The following NBPF14 variants were observed in gnomAD, a reference collection of about 807,000 sequenced individuals.
NBPF14 encodes the protein NBPF family member NBPF14.
NBPF14 carries 104 observed loss-of-function variants against 91.2 expected under a neutral mutation model. That is an observed-to-expected ratio of 1.14 (90% CI 0.97 to 1.34). NBPF14 has a LOEUF of 1.34. Among genes scored for constraint, NBPF14 ranks in the 40% most tolerant of loss-of-function variants. The pLI is 0.00. For synonymous variants in NBPF14, 294 were observed against 303.8 expected (o/e 0.97, Z 0.34); for missense variants, 908 against 783.0 (o/e 1.16, Z -1.91).
chr1:148,559,996 C>A, intron 36 of NBPF14, 31 bp from the exon 37 acceptor site: 4 of 993,582 alleles, frequency 4.0e-6, no homozygotes, highest in South Asian at 1.3e-5. Flanking sequence ...AAAGAATAAG[C>A]CAGGGGGAAT....
chr1:148,561,734 G>C (rs1657759660), intron 34 of NBPF14, among the ~76,000 whole-genome samples, 155 bp from the exon 35 acceptor site: 1 of 113,742 alleles, frequency 8.8e-6, no homozygotes, highest in Admixed American at 8.1e-5. Context: ...TGTTGGGACA[G>C]AACAGGGCCA....
At chr1:148,533,537 G>C (rs1204037632) in intron 70 of NBPF14, among the ~76,000 whole-genome samples, 54 of 150,014 alleles carry the variant, frequency 3.6e-4, no homozygotes, top group South Asian at 6.3e-4. Flanking sequence ...GACACTCTGA[G>C]TTAGTGCCCT....
intron 13 of NBPF14, among the ~76,000 whole-genome samples, chr1:148,578,235 CCT>C (rs1267975192): frequency 4.6e-5 from 7 of 151,420 alleles, no homozygotes; most frequent in Admixed American, 2.6e-4. Context: ...GCAAAATTCC[CCT>C]GTGTTGGAAT....
At chr1:148,557,073 C>A (rs1424296249) in intron 40 of NBPF14, among the ~76,000 whole-genome samples, 2 of 124,954 alleles carry the variant, frequency 1.6e-5, no homozygotes, top group African/African-American at 4.1e-5. Flanking sequence ...CACACACACA[C>A]ACACACACAC....
intron 39 of NBPF14, among the ~76,000 whole-genome samples, chr1:148,557,759 A>T (rs1255777484): frequency 8.0e-6 from 1 of 124,378 alleles, no homozygotes; most frequent in Non-Finnish European, 1.6e-5. Context: ...GTAGATCGTT[A>T]TCCCAAAATC....
chr1:148,579,874 A>G (rs1459186189), intron 12 of NBPF14, among the ~76,000 whole-genome samples: 2 of 152,138 alleles, frequency 1.3e-5, no homozygotes, highest in African/African-American at 4.8e-5. Flanking sequence ...TTACAAGGAA[A>G]ACTAACACAG....
Position 148,557,650 on chromosome 1 carries a change from A to G in NBPF14, c.4955-108T>C, listed in dbSNP as rs1327058315. On this transcript the variant is annotated intron_variant, in intron 39 of 70. Transcript: ENST00000619423. ...GGATCTCAGGCTCCTCAGCATGAGA[A>G]CAGGACCATGTGAGAGATATACTTC... 1.5e-5 allele frequency: 9 copies of G among 607,384 alleles called. No individual in the cohort carries two copies. The African/African-American group carries it at 2.5e-4, about 17-fold the overall frequency. 37.6% of individuals were successfully genotyped at this position (607,384 alleles called of 1,614,324 possible). A position where few individuals can be genotyped will look rare whatever the true frequency, so the allele number is the denominator to read the frequency against.
chr1:148,534,021 C>A (rs782255614), intron 69 of NBPF14, 52 bp from the exon 70 acceptor site: 1 of 665,554 alleles, frequency 1.5e-6, no homozygotes, highest in Non-Finnish European at 2.7e-6. Context: ...CCCCTACACA[C>A]ATAACAATCC....
intron 7 of NBPF14, among the ~76,000 whole-genome samples, 168 bp from the exon 8 acceptor site, chr1:148,587,571 A>T (rs1661756767): frequency 6.8e-6 from 1 of 146,978 alleles, no homozygotes; most frequent in East Asian, 1.9e-4. Flanking sequence ...ACTTTCTGGC[A>T]TCTGATCCTC....
chr1:148,593,175 G>C lies in NBPF14; in HGVS notation c.279-409C>G, dbSNP rs1315083692. Among the ~76,000 whole-genome samples the C allele has an allele frequency of 7.5e-5, 11 of 146,018 alleles. No individual in the cohort carries two copies. The South Asian group carries it at 2.2e-3, about 29-fold the overall frequency. ...AGGTGCAGATGGGGCGAATTGAAAAGATGAAAGAAGAAAAGAAGGACAGGG... is the reference window on the plus strand; with the variant it reads ...AGGTGCAGATGGGGCGAATTGAAAACATGAAAGAAGAAAAGAAGGACAGGG... On this transcript the variant is annotated intron_variant, in intron 3 of 70. Coordinates refer to ENST00000619423, the Ensembl canonical transcript of NBPF14.
At chr1:148,577,771 G>T (rs1313404400) in intron 14 of NBPF14, among the ~76,000 whole-genome samples, 4 of 139,950 alleles carry the variant, frequency 2.9e-5, no homozygotes, top group African/African-American at 5.7e-5. Context: ...TTGAGGTATG[G>T]TCAACTTTCA....
chr1:148,576,052 C>T (rs1261860311), intron 16 of NBPF14, among the ~76,000 whole-genome samples: 2 of 146,144 alleles, frequency 1.4e-5, no homozygotes, highest in Admixed American at 6.7e-5. Flanking sequence ...AGCGAATTGG[C>T]CGGGTGACAC....
chr1:148,590,040 C>CTTT (rs1196401979), intron 6 of NBPF14, among the ~76,000 whole-genome samples: 7 of 76,346 alleles, frequency 9.2e-5, no homozygotes, highest in African/African-American at 1.2e-4. Context: ...CAGAGACTTA[C>CTTT]TTTTTTTTTT....
At chr1:148,585,391 C>A (rs1351401880) in intron 9 of NBPF14, among the ~76,000 whole-genome samples, 178 bp from the exon 10 acceptor site, 1 of 151,910 alleles carries the variant, frequency 6.6e-6, no homozygotes, top group Non-Finnish European at 1.5e-5. Context: ...TCAGGCAATG[C>A]ATTTCTGATC....
chr1:148,566,260 C>A (rs1423941958), exon 29 of NBPF14: 10 of 640,112 alleles, frequency 1.6e-5, no homozygotes, highest in African/African-American at 7.3e-5. Context: ...TAACATCTAT[C>A]CAGTGAGTCC....
rs1396365125 is a variant in NBPF14, at chr1:148,561,786, C to G, written c.4275-207G>C. ...AGAGAAAGACAGATAGACACACACA[C>G]ACACACACACACACAAACACACACA... On this transcript the variant is annotated intron_variant, in intron 34 of 70. Coordinates refer to ENST00000619423, the Ensembl canonical transcript of NBPF14. 3.4e-5 allele frequency among the ~76,000 whole-genome samples: 4 copies of G among 116,522 alleles called. 1 individual carries two copies. In the East Asian group the frequency reaches 1.1e-3, roughly 32 times the overall value. The allele number at this position is 116,522 out of a possible 152,430, so 76.4% of individuals were successfully genotyped here. A position where few individuals can be genotyped will look rare whatever the true frequency, so the allele number is the denominator to read the frequency against.
intron 68 of NBPF14, 118 bp downstream of exon 68, chr1:148,535,335 A>C (rs1196138509): frequency 3.2e-5 from 19 of 592,112 alleles, no homozygotes; most frequent in Non-Finnish European, 3.8e-5. Context: ...CAGCAATGTC[A>C]GTAGGAGTAA....
At chr1:148,592,813 G>C (rs1662710525) in intron 3 of NBPF14, 47 bp from the exon 4 acceptor site, 1 of 1,291,288 alleles carries the variant, frequency 7.7e-7, no homozygotes, top group Admixed American at 1.7e-5. Flanking sequence ...AGGGTTGAGT[G>C]ATCCGTTCAA....
exon 71 of NBPF14, chr1:148,532,218 C>G (rs1396611434): frequency 2.6e-5 from 4 of 151,052 alleles, no homozygotes; most frequent in African/African-American, 9.6e-5. Context: ...CTACATTCTG[C>G]AGTTGTCTGG....
Sources: gnomAD v4.1 joint callset for allele counts (sites outside exome capture counted in the v4.1 genomes callset) on GRCh38, gnomAD v4.1.1 for gene constraint, MANE v1.5 for transcripts, NCBI Gene and HGNC (gene_info 2026-07-23, HGNC 2026-07-21) for gene names.